XKR6: variants seen among roughly 807,000 people sequenced by gnomAD.
XKR6 encodes the protein XK related 6.
Under a neutral mutation model 56.7 loss-of-function variants are expected in XKR6, and 22 were observed. That is an observed-to-expected ratio of 0.39 (90% CI 0.28 to 0.55). The LOEUF (loss-of-function observed/expected upper bound fraction) is 0.55, where lower values mean the gene tolerates loss of function less well. XKR6 is among the 20% of genes least tolerant of loss of function. The pLI, the probability that XKR6 is intolerant of heterozygous loss-of-function variation, is 0.66. For synonymous variants in XKR6, 524 were observed against 387.8 expected, an observed-to-expected ratio of 1.35 and a Z score of -4.13; for missense variants, 852 against 889.0, an observed-to-expected ratio of 0.96 and a Z score of 0.53.
chr8:11,074,536 G>C (rs972038451), intron 1 of XKR6, among the ~76,000 whole-genome samples: 2 of 152,228 alleles, frequency 1.3e-5, no homozygotes, highest in African/African-American at 2.4e-5. Flanking sequence ...AAGAAATGAA[G>C]GTGATTATGG....
At chr8:11,104,389 A>G (rs1798598299) in intron 1 of XKR6, among the ~76,000 whole-genome samples, 1 of 152,238 alleles carries the variant, frequency 6.6e-6, no homozygotes, top group Non-Finnish European at 1.5e-5. Context: ...TTGACACAGT[A>G]TATATACAGC....
chr8:11,114,806 C>T (rs1311864160), intron 1 of XKR6, among the ~76,000 whole-genome samples: 1 of 145,756 alleles, frequency 6.9e-6, no homozygotes, highest in Non-Finnish European at 1.5e-5. Context: ...CAGTGTAATG[C>T]TAAACCGTAA....
intron 1 of XKR6, among the ~76,000 whole-genome samples, chr8:11,159,509 C>T (rs1052003870): frequency 6.6e-6 from 1 of 152,224 alleles, no homozygotes; most frequent in Admixed American, 6.5e-5. Flanking sequence ...CATCAGCTTG[C>T]CATGTGCTTT....
intron 1 of XKR6, among the ~76,000 whole-genome samples, chr8:11,156,497 C>G (rs1465665971): frequency 6.6e-6 from 1 of 152,106 alleles, no homozygotes; most frequent in Non-Finnish European, 1.5e-5. Context: ...TGTGAAACAC[C>G]TAAAATTGCA....
intron 1 of XKR6, among the ~76,000 whole-genome samples, chr8:10,943,198 C>T (rs1305556613): frequency 4.6e-5 from 7 of 152,220 alleles, no homozygotes; most frequent in Non-Finnish European, 8.8e-5. Flanking sequence ...CCATACCATT[C>T]GCAGATCTCA....
chr8:11,093,530 T>A (rs896135808), intron 1 of XKR6, among the ~76,000 whole-genome samples: 6 of 152,218 alleles, frequency 3.9e-5, no homozygotes, highest in African/African-American at 1.2e-4. Context: ...CCCGGCCACA[T>A]CCTTAGTCTC....
At chr8:11,073,852 C>T (rs1365871590) in intron 1 of XKR6, among the ~76,000 whole-genome samples, 1 of 152,070 alleles carries the variant, frequency 6.6e-6, no homozygotes, top group East Asian at 1.9e-4. Flanking sequence ...CCCTTGAGGC[C>T]GACTATTCAA....
chr8:11,025,419 T>C (rs1279155366), intron 1 of XKR6, among the ~76,000 whole-genome samples: 1 of 152,180 alleles, frequency 6.6e-6, no homozygotes, highest in East Asian at 1.9e-4. Flanking sequence ...GAATACCTGC[T>C]AAGGCCTGCT....
intron 1 of XKR6, among the ~76,000 whole-genome samples, chr8:11,141,869 G>A (rs564258094): frequency 7.9e-5 from 12 of 152,188 alleles, no homozygotes; most frequent in South Asian, 6.2e-4. Flanking sequence ...AGTAGGGAGC[G>A]GGGAGTGACT....
chr8:11,060,446 C>A (rs1313005597), intron 1 of XKR6, among the ~76,000 whole-genome samples: 3 of 152,194 alleles, frequency 2.0e-5, no homozygotes, highest in African/African-American at 2.4e-5. Flanking sequence ...GATGGCGCCA[C>A]CCGCCGGGAA....
chr8:11,136,636 T>C (rs957099323), intron 1 of XKR6, among the ~76,000 whole-genome samples: 1 of 152,026 alleles, frequency 6.6e-6, no homozygotes, highest in Non-Finnish European at 1.5e-5. Context: ...TAGTACCCTA[T>C]CAGTAGAGAC....
At chr8:11,076,965 C>T (rs1414377520) in intron 1 of XKR6, among the ~76,000 whole-genome samples, 1 of 152,142 alleles carries the variant, frequency 6.6e-6, no homozygotes, top group African/African-American at 2.4e-5. Flanking sequence ...TGCTTGAGCC[C>T]AGGTGTTTGA....
At chr8:11,073,289 C>T (rs1468051096) in intron 1 of XKR6, among the ~76,000 whole-genome samples, 1 of 152,160 alleles carries the variant, frequency 6.6e-6, no homozygotes, top group East Asian at 1.9e-4. Flanking sequence ...CTGGAGACCG[C>T]ACTTAAGCAA....
chr8:10,902,372 C>T (rs960781099), intron 2 of XKR6, among the ~76,000 whole-genome samples: 6 of 152,202 alleles, frequency 3.9e-5, no homozygotes, highest in African/African-American at 1.2e-4. Context: ...CACTTCAACC[C>T]ACCCATTCCA....
At chr8:10,965,638 T>C (rs1331833883) in intron 1 of XKR6, among the ~76,000 whole-genome samples, 5 of 152,202 alleles carry the variant, frequency 3.3e-5, no homozygotes, top group African/African-American at 1.2e-4. Flanking sequence ...CGCTTGAGAC[T>C]TGGGAGAATG....
At chr8:11,101,691 C>A (rs1798490928) in intron 1 of XKR6, among the ~76,000 whole-genome samples, 1 of 152,204 alleles carries the variant, frequency 6.6e-6, no homozygotes. Flanking sequence ...AGTGGCCTCT[C>A]CTGTGCAACT....
intron 1 of XKR6, chr8:11,113,768 T>G (rs1002804428): frequency 6.5e-6 from 1 of 154,548 alleles, no homozygotes; most frequent in Admixed American, 6.4e-5. Context: ...TAAAAAGCCA[T>G]GTTAAAACAG....
intron 1 of XKR6, among the ~76,000 whole-genome samples, chr8:10,950,704 C>T (rs1801691647): frequency 6.6e-6 from 1 of 152,240 alleles, no homozygotes; most frequent in Non-Finnish European, 1.5e-5. Flanking sequence ...CCGAAAAGAA[C>T]TTGAGATGGC....
rs1318270781 is a variant in XKR6 at position 11,201,070 on chromosome 8, C to A, written c.270G>T (p.Gly90=). 6.8e-6 allele frequency: 9 copies of A among 1,326,858 alleles called. No homozygotes were observed. Among genetic ancestry groups the A allele is most frequent in the East Asian group, 6.4e-5 (2 of 31,200 alleles). 82.2% of individuals were successfully genotyped at this position (1,326,858 alleles called of 1,614,324 possible). ...CGGGAGGCTGCAGCGGCTGGTCCCCCCCGTCGGCGGCGGCGCTGCGGCGCG... is the reference window on the plus strand; with the variant it reads ...CGGGAGGCTGCAGCGGCTGGTCCCCACCGTCGGCGGCGGCGCTGCGGCGCG... ...RKPRRSAAAD[G]GDQPLQPPAA... is the part of the protein sequence containing the mutation. Residue 90 remains glycine (G), a synonymous_variant, in exon 1 of 3, where the codon GGG becomes GGT. Transcript: ENST00000416569.
Sources: gnomAD v4.1 joint callset for allele counts (sites outside exome capture counted in the v4.1 genomes callset) on GRCh38, gnomAD v4.1.1 for gene constraint, MANE v1.5 for transcripts, NCBI Gene and HGNC (gene_info 2026-07-23, HGNC 2026-07-21) for gene names.